ANXA4: variants seen among roughly 807,000 people sequenced by gnomAD.
ANXA4 encodes 35-beta calcimedin.
ANXA4 carries 39 observed loss-of-function variants against 49.8 expected under a neutral mutation model. The ratio of observed to expected loss-of-function variants is 0.78; its 90% CI spans 0.61 to 1.02. The LOEUF (loss-of-function observed/expected upper bound fraction) is 1.02. Among genes scored for constraint, ANXA4 ranks in the 50% least tolerant of loss-of-function variants. ANXA4 has a pLI of 0.00. For missense variants in ANXA4, 360 were observed against 410.1 expected (o/e 0.88, Z 1.05); for synonymous variants, 134 against 152.5 (o/e 0.88, Z 0.89).
intron 1 of ANXA4, among the ~76,000 whole-genome samples, chr2:69,743,095 TC>T (rs1670466009): frequency 6.6e-6 from 1 of 152,038 alleles, no homozygotes; most frequent in Non-Finnish European, 1.5e-5. Context: ...TCACTCTGCC[TC>T]CCAGGCTCAG....
chr2:69,662,951 C>A, intron 2 of ANXA4, among the ~76,000 whole-genome samples: 1 of 150,578 alleles, frequency 6.6e-6, no homozygotes, highest in East Asian at 1.9e-4. Flanking sequence ...TGTTGTTTAT[C>A]TAAAATTCAA....
At chr2:69,821,086 A>G (rs1472453411) in intron 12 of ANXA4, among the ~76,000 whole-genome samples, 2 of 152,220 alleles carry the variant, frequency 1.3e-5, no homozygotes, top group African/African-American at 4.8e-5. Context: ...TTTTAAGCAC[A>G]CAATTTCCTC....
intron 1 of ANXA4, among the ~76,000 whole-genome samples, chr2:69,767,965 T>C (rs965416479): frequency 1.3e-5 from 2 of 151,944 alleles, no homozygotes; most frequent in African/African-American, 4.8e-5. Context: ...ATTATGTAAA[T>C]ATATACATAT....
chr2:69,793,454 C>T (rs369852638), intron 3 of ANXA4, among the ~76,000 whole-genome samples: 135 of 152,128 alleles, frequency 8.9e-4, no homozygotes, highest in Middle Eastern at 3.4e-3. Context: ...TTGATTTAAG[C>T]GCTTATTTTT....
chr2:69,717,234 C>G (rs150763991), intron 2 of ANXA4, among the ~76,000 whole-genome samples: 118 of 152,268 alleles, frequency 7.7e-4, no homozygotes, highest in African/African-American at 2.7e-3. Flanking sequence ...TTTTGTTTGG[C>G]TTGTTGGTTT....
At chr2:69,768,473 C>CCG (rs1573222160) in intron 1 of ANXA4, among the ~76,000 whole-genome samples, 1 of 152,116 alleles carries the variant, frequency 6.6e-6, no homozygotes, top group African/African-American at 2.4e-5. Flanking sequence ...CACGTCATCT[C>CCG]TGTAGCTTCC....
intron 2 of ANXA4, among the ~76,000 whole-genome samples, chr2:69,666,874 T>C (rs1371086362): frequency 1.3e-5 from 2 of 152,032 alleles, no homozygotes; most frequent in African/African-American, 4.8e-5. Context: ...GGCAAAATCC[T>C]GCCTCTACTA....
chr2:69,714,739 T>C (rs973713742), intron 2 of ANXA4, among the ~76,000 whole-genome samples: 2 of 152,188 alleles, frequency 1.3e-5, no homozygotes, highest in African/African-American at 4.8e-5. Context: ...GACACCCAGG[T>C]CCGGAGGTGC....
At position 69,816,310 on chromosome 2, in the gene ANXA4, CA is replaced by C. The variant is rs1314594209; in HGVS notation, c.628+118del. On this transcript the variant is annotated intron_variant, in intron 9 of 12. Transcript: ENST00000394295. Reference sequence around the variant, plus strand: ...GTTGGTACAAAGAACTGATTGTACCCAAGTGTCTTAGATTCTCACCCTGGAA... The same window carrying C: ...GTTGGTACAAAGAACTGATTGTACCCAGTGTCTTAGATTCTCACCCTGGAA... The C allele has an allele frequency of 3.8e-6, 3 of 781,686 alleles. No homozygotes were observed. In the East Asian group the frequency reaches 7.8e-5, roughly 20 times the overall value. The allele number at this position is 781,686 out of a possible 1,614,324, so 48.4% of individuals were successfully genotyped here.
intron 2 of ANXA4, among the ~76,000 whole-genome samples, chr2:69,698,616 T>C (rs1678233752): frequency 6.6e-6 from 1 of 152,108 alleles, no homozygotes; most frequent in Non-Finnish European, 1.5e-5. Flanking sequence ...ACAAGCTGCG[T>C]TGTCGGCTCT....
At chr2:69,715,313 G>A (rs1194689317) in intron 2 of ANXA4, among the ~76,000 whole-genome samples, 6 of 152,096 alleles carry the variant, frequency 3.9e-5, no homozygotes, top group South Asian at 2.1e-4. Flanking sequence ...GGGTTCAAGC[G>A]ATTCTCACCT....
At chr2:69,800,849 C>A (rs1016497347) in intron 3 of ANXA4, among the ~76,000 whole-genome samples, 38 of 152,046 alleles carry the variant, frequency 2.5e-4, no homozygotes, top group Admixed American at 2.0e-3. Context: ...CGTAGACACA[C>A]AAAGAGTGAG....
chr2:69,648,236 G>T (rs1198069081), intron 1 of ANXA4, among the ~76,000 whole-genome samples: 1 of 152,198 alleles, frequency 6.6e-6, no homozygotes, highest in Admixed American at 6.5e-5. Flanking sequence ...CAGGATTAGA[G>T]TCTGTCAACT....
At chr2:69,777,449 C>T (rs941984973) in intron 1 of ANXA4, among the ~76,000 whole-genome samples, 9 of 152,270 alleles carry the variant, frequency 5.9e-5, no homozygotes, top group Admixed American at 2.6e-4. Flanking sequence ...AACTCAGGTG[C>T]GGTTAACCGG....
chr2:69,716,398 A>G (rs1427695718), intron 2 of ANXA4, among the ~76,000 whole-genome samples: 5 of 152,196 alleles, frequency 3.3e-5, no homozygotes, highest in African/African-American at 4.8e-5. Flanking sequence ...CCAGAAAGAT[A>G]AGAGGAGAGG....
At chr2:69,757,266 A>ATAT (rs1424932911) in intron 1 of ANXA4, among the ~76,000 whole-genome samples, 35 of 27,652 alleles carry the variant, frequency 1.3e-3, no homozygotes, top group South Asian at 4.0e-3. Context: ...ATATATATAT[A>ATAT]TTTTTTTTTT....
At chr2:69,702,602 T>G (rs1169594250) in intron 2 of ANXA4, among the ~76,000 whole-genome samples, 1 of 152,078 alleles carries the variant, frequency 6.6e-6, no homozygotes, top group Non-Finnish European at 1.5e-5. Flanking sequence ...TGGTCTCAGC[T>G]ACTCGGGAGG....
chr2:69,770,915 C>G lies in ANXA4; in HGVS notation c.-46-10605C>G, dbSNP rs71413198. Among the ~76,000 whole-genome samples, 787 of 149,292 alleles carry G rather than the reference C, an allele frequency of 5.3e-3. 3 individuals are homozygous for G. Among genetic ancestry groups the G allele is most frequent in the Non-Finnish European group, 9.3e-3 (624 of 67,326 alleles). On this transcript the variant is annotated intron_variant, in intron 1 of 12. Transcript: ENST00000394295. ...GCCAGCCTAGGCAATGCAGCGAGGC[C>G]TTGTCTAGAAAATTTAAAAAAAAAA...
chr2:69,697,290 A>G (rs1490967184), intron 2 of ANXA4, among the ~76,000 whole-genome samples: 1 of 152,138 alleles, frequency 6.6e-6, no homozygotes, highest in Non-Finnish European at 1.5e-5. Flanking sequence ...TCATGAAGCA[A>G]CCTCTGCTAG....
Sources: gnomAD v4.1 joint callset for allele counts (sites outside exome capture counted in the v4.1 genomes callset) on GRCh38, gnomAD v4.1.1 for gene constraint, MANE v1.5 for transcripts, NCBI Gene and HGNC (gene_info 2026-07-23, HGNC 2026-07-21) for gene names.